SOBP: variants seen among roughly 807,000 people sequenced by gnomAD.
SOBP encodes the protein sine oculis binding protein homolog.
In SOBP, 4 loss-of-function variants were observed where a neutral mutation model predicts 53.6. The observed-to-expected ratio is 0.07, with a 90% confidence interval of 0.04 to 0.17. The LOEUF is 0.17. Among genes scored for constraint, SOBP ranks in the 10% least tolerant of loss-of-function variants. The pLI, the probability that SOBP is intolerant of heterozygous loss-of-function variation, is 1.00. For synonymous variants in SOBP, 584 were observed against 522.6 expected (o/e 1.12, Z -1.60); for missense variants, 1,088 against 1,204.7 (o/e 0.90, Z 1.43).
At chr6:107,524,825 G>A (rs1783615854) in intron 3 of SOBP, among the ~76,000 whole-genome samples, 1 of 152,202 alleles carries the variant, frequency 6.6e-6, no homozygotes, top group Non-Finnish European at 1.5e-5. Context: ...TGCTGATGTA[G>A]GGCAGTGGAG....
intron 5 of SOBP, among the ~76,000 whole-genome samples, chr6:107,611,673 G>T (rs772322517): frequency 6.6e-6 from 1 of 152,188 alleles, no homozygotes; most frequent in African/African-American, 2.4e-5. Context: ...GTCAGGGTAC[G>T]CAATGGTGGC....
intron 3 of SOBP, among the ~76,000 whole-genome samples, chr6:107,531,449 G>A (rs753887430): frequency 2.0e-5 from 3 of 152,066 alleles, no homozygotes; most frequent in Admixed American, 6.5e-5. Flanking sequence ...AGTAAAGATA[G>A]GTGAATATTT....
intron 3 of SOBP, among the ~76,000 whole-genome samples, chr6:107,509,473 C>CT (rs1245221078): frequency 6.6e-6 from 1 of 151,656 alleles, no homozygotes; most frequent in Admixed American, 6.6e-5. Flanking sequence ...AAAACCAGAC[C>CT]TTTTTTCTTT....
At chr6:107,556,943 A>G (rs1269314466) in intron 4 of SOBP, among the ~76,000 whole-genome samples, 1 of 152,240 alleles carries the variant, frequency 6.6e-6, no homozygotes. Context: ...CTCAAAGGAA[A>G]TTAATTGATA....
intron 4 of SOBP, among the ~76,000 whole-genome samples, chr6:107,562,440 T>C (rs1784798883): frequency 6.6e-6 from 1 of 152,178 alleles, no homozygotes; most frequent in South Asian, 2.1e-4. Flanking sequence ...TGCCATGAGG[T>C]CTTGATGAGA....
chr6:107,593,194 C>T (rs1194140698), intron 5 of SOBP, among the ~76,000 whole-genome samples: 1 of 152,198 alleles, frequency 6.6e-6, no homozygotes, highest in African/African-American at 2.4e-5. Flanking sequence ...CCTCCTTTCC[C>T]GTGCATGCAA....
intron 4 of SOBP, among the ~76,000 whole-genome samples, chr6:107,561,570 G>A (rs1408990868): frequency 6.6e-6 from 1 of 152,194 alleles, no homozygotes; most frequent in Non-Finnish European, 1.5e-5. Context: ...GGGAGGAGGT[G>A]CTTTCTCTTT....
At chr6:107,644,847 A>G (rs1360586018) in intron 6 of SOBP, among the ~76,000 whole-genome samples, 1 of 152,226 alleles carries the variant, frequency 6.6e-6, no homozygotes, top group African/African-American at 2.4e-5. Context: ...TCCAAACCCA[A>G]ATGTTGAAAA....
intron 6 of SOBP, among the ~76,000 whole-genome samples, chr6:107,646,668 C>T (rs1044850243): frequency 6.6e-5 from 10 of 152,206 alleles, no homozygotes; most frequent in African/African-American, 2.4e-4. Context: ...CCATGGCCTG[C>T]GGCTACTTTT....
chr6:107,562,465 A>G (rs1784799672), intron 4 of SOBP, among the ~76,000 whole-genome samples: 1 of 152,274 alleles, frequency 6.6e-6, no homozygotes. Flanking sequence ...GGGCGGCAGC[A>G]TATTTCATGT....
chr6:107,551,980 C>T (rs754959256), intron 4 of SOBP, among the ~76,000 whole-genome samples: 1 of 152,128 alleles, frequency 6.6e-6, no homozygotes, highest in East Asian at 1.9e-4. Flanking sequence ...GAGATCGCAC[C>T]ACTGCACTCC....
chr6:107,589,857 A>G (rs1390981557), intron 5 of SOBP, among the ~76,000 whole-genome samples: 2 of 151,940 alleles, frequency 1.3e-5, no homozygotes, highest in African/African-American at 4.8e-5. Flanking sequence ...ACACACGTGC[A>G]CACACACACA....
At chr6:107,567,519 T>G (rs1359849320) in intron 4 of SOBP, among the ~76,000 whole-genome samples, 2 of 152,186 alleles carry the variant, frequency 1.3e-5, no homozygotes, top group Non-Finnish European at 2.9e-5. Context: ...TCACCAGAGC[T>G]CATGTGTGTC....
At chr6:107,606,891 A>T (rs1339376404) in intron 5 of SOBP, among the ~76,000 whole-genome samples, 7 of 152,192 alleles carry the variant, frequency 4.6e-5, no homozygotes. Flanking sequence ...GTGATGTCCA[A>T]CGTGGAGCTT....
chr6:107,500,439 T>A (rs780957830), intron 1 of SOBP, among the ~76,000 whole-genome samples: 1 of 151,748 alleles, frequency 6.6e-6, no homozygotes, highest in African/African-American at 2.4e-5. Context: ...ACGTTAAAAA[T>A]TTATTTTATT....
intron 5 of SOBP, among the ~76,000 whole-genome samples, chr6:107,622,008 AT>A (rs1464391332): frequency 1.3e-5 from 2 of 152,174 alleles, no homozygotes; most frequent in Non-Finnish European, 1.5e-5. Flanking sequence ...AAAATAACAG[AT>A]TTAACAGAAT....
At chr6:107,619,911 T>G (rs1786942306) in intron 5 of SOBP, among the ~76,000 whole-genome samples, 1 of 152,126 alleles carries the variant, frequency 6.6e-6, no homozygotes, top group Admixed American at 6.5e-5. Flanking sequence ...CACTGCCCCT[T>G]CCTAGATTTT....
At chr6:107,541,613 TG>T (rs1481344552) in intron 4 of SOBP, among the ~76,000 whole-genome samples, 3 of 152,226 alleles carry the variant, frequency 2.0e-5, no homozygotes, top group Non-Finnish European at 4.4e-5. Flanking sequence ...AAATTTTCAC[TG>T]GCCTTTTGCC....
chr6:107,634,536 G>A lies in SOBP; in HGVS notation c.1692G>A (p.Pro564=). ...GFSSNGENFI[P]NAPGDSAAAG... ...CCAGCAACGGGGAGAACTTCATTCC[G>A]AACGCCCCTGGCGACTCCGCGGCGG... The change falls in exon 6 of 7, where the codon CCG becomes CCA. Residue 564 remains proline, a synonymous_variant. Transcript: ENST00000317357. The surrounding 1 kb of genome is among the most constrained non-coding windows in gnomAD (Gnocchi z 4.5). 2 of 1,609,994 alleles carry A rather than the reference G, an allele frequency of 1.2e-6. No homozygotes were observed. Among genetic ancestry groups the A allele is most frequent in the Non-Finnish European group, 1.7e-6 (2 of 1,179,850 alleles).
Sources: allele counts gnomAD v4.1 joint callset (sites outside exome capture counted in the v4.1 genomes callset), GRCh38; gene constraint gnomAD v4.1.1; non-coding constraint Gnocchi (gnomAD v3.1); transcripts MANE v1.5; gene names NCBI Gene and HGNC (gene_info 2026-07-23, HGNC 2026-07-21).